RUFY4: variants seen among roughly 807,000 people sequenced by gnomAD.
The protein encoded by RUFY4 is RUN and FYVE domain-containing protein 4.
In RUFY4, 73 loss-of-function variants were observed where a neutral mutation model predicts 69.0. The observed-to-expected ratio is 1.06, with a 90% CI of 0.88 to 1.29. The LOEUF is 1.29. Ranked by LOEUF, RUFY4 falls within the 50% of genes most tolerant of loss-of-function variation. The pLI is 0.00. For synonymous variants in RUFY4, 287 were observed against 271.8 expected (o/e 1.06, Z -0.55); for missense variants, 770 against 705.6 (o/e 1.09, Z -1.03).
rs940261410 is a variant in RUFY4 at position 218,072,685 on chromosome 2, C to T, written c.280-94C>T. ...GGCCTCAGGTCCCCCTGCACCCTTC[C>T]CATTGCCAAGCACTTCCAGTCCCCT... On this transcript the variant is annotated intron_variant, in intron 3 of 10. Transcript: ENST00000344321. 3.4e-5 allele frequency: 44 copies of T among 1,300,136 alleles called. No individual in the cohort carries two copies. In the East Asian group the frequency reaches 4.3e-4, roughly 13 times the overall value. 80.5% of individuals were successfully genotyped at this position (1,300,136 alleles called of 1,614,324 possible).
chr2:218,083,239 G>A (rs1689808899), exon 9 of RUFY4: 5 of 1,610,474 alleles, frequency 3.1e-6, no homozygotes, highest in Non-Finnish European at 4.2e-6. Flanking sequence ...TGAAGAGGCG[G>A]GTGTTGGAAC....
intron 9 of RUFY4, among the ~76,000 whole-genome samples, chr2:218,086,478 A>G (rs1268584940): frequency 6.6e-6 from 1 of 152,252 alleles, no homozygotes; most frequent in East Asian, 1.9e-4. Context: ...CCTATAAAAG[A>G]AGTAGAATCC....
At chr2:218,043,642 G>A (rs992671792) in intron 2 of RUFY4, among the ~76,000 whole-genome samples, 4 of 152,182 alleles carry the variant, frequency 2.6e-5, no homozygotes, top group African/African-American at 9.7e-5. Flanking sequence ...GTCTTCAGAT[G>A]GGGGAAGTGC....
intron 8 of RUFY4, among the ~76,000 whole-genome samples, chr2:218,078,466 G>A (rs1689685947): frequency 6.6e-6 from 1 of 152,196 alleles, no homozygotes; most frequent in South Asian, 2.1e-4. Flanking sequence ...CCAGTAGAGT[G>A]AGGGAGGGAG....
chr2:218,050,100 C>T (rs918360532), intron 2 of RUFY4, among the ~76,000 whole-genome samples: 1 of 152,150 alleles, frequency 6.6e-6, no homozygotes, highest in Non-Finnish European at 1.5e-5. Context: ...TTTAACCAAT[C>T]AAAGGTGTTT....
chr2:218,083,647 C>T (rs550255845), intron 9 of RUFY4, among the ~76,000 whole-genome samples: 83 of 152,000 alleles, frequency 5.5e-4, no homozygotes, highest in Non-Finnish European at 1.1e-3. Flanking sequence ...ACTCAGGGGG[C>T]TGAGGCAACA....
In RUFY4 at chr2:218,081,816, G is replaced by A. The variant is rs76160421; in HGVS notation, c.1356-1294G>A. Among the ~76,000 whole-genome samples, 822 of 152,342 alleles carry A rather than the reference G, an allele frequency of 5.4e-3. 13 individuals are homozygous for A. The highest frequency in any genetic ancestry group is 0.019 in the African/African-American group (785 of 41,580). ...TGACTGAACTCTTTGGAATGTCAGT[G>A]GCTGAGCTGCTGACAGTTTGATGTC... On this transcript the variant is annotated intron_variant, in intron 8 of 10. Coordinates refer to ENST00000344321, the Ensembl canonical transcript of RUFY4.
exon 1 of RUFY4, chr2:218,035,067 C>G (rs2106022227): frequency 1.3e-5 from 2 of 152,514 alleles, no homozygotes; most frequent in Admixed American, 1.3e-4. Flanking sequence ...CCCCATCTCA[C>G]CATTCTGCCC....
chr2:218,047,886 T>C (rs547812544), intron 2 of RUFY4, among the ~76,000 whole-genome samples: 1 of 152,336 alleles, frequency 6.6e-6, no homozygotes, highest in Non-Finnish European at 1.5e-5. Context: ...CATATTTAAT[T>C]TTAATCTATA....
intron 9 of RUFY4, among the ~76,000 whole-genome samples, chr2:218,085,654 A>G (rs1287564645): frequency 1.3e-5 from 2 of 152,218 alleles, no homozygotes; most frequent in Non-Finnish European, 2.9e-5. Context: ...AGTCATTAGA[A>G]AGAGCAATCC....
chr2:218,072,207 C>G (rs1377969265), intron 2 of RUFY4, among the ~76,000 whole-genome samples, 167 bp from the exon 5 acceptor site: 1 of 152,196 alleles, frequency 6.6e-6, no homozygotes, highest in East Asian at 1.9e-4. Context: ...GGAGGTCAAG[C>G]CCCTTGCTCG....
chr2:218,089,338 G>A lies in RUFY4; in HGVS notation c.1589G>A (p.Arg530Gln), dbSNP rs751955461. 324 of 1,613,688 alleles carry A rather than the reference G, an allele frequency of 2.0e-4. No individual in the cohort carries two copies. The highest frequency in any genetic ancestry group is 2.6e-4 in the Non-Finnish European group (303 of 1,179,824). Residue 530 changes from arginine to glutamine, a missense_variant, in exon 10 of 11, where the codon CGA becomes CAA. Coordinates refer to ENST00000344321, the Ensembl canonical transcript of RUFY4. Reference sequence around the variant, plus strand: ...GTGGCCTGTAGCAAGATCTTTGGCCGATTTTCTCGGCGGTATCCATGCAGG... The same window carrying A: ...GTGGCCTGTAGCAAGATCTTTGGCCAATTTTCTCGGCGGTATCCATGCAGG...
At chr2:218,072,956 C>G (rs1388221311) in intron 4 of RUFY4, 71 bp downstream of exon 6, 8 of 1,237,014 alleles carry the variant, frequency 6.5e-6, no homozygotes, top group Middle Eastern at 3.9e-4. Flanking sequence ...AAGAGCCCTC[C>G]TTTAACCCCC....
rs1017686651 is a variant in RUFY4, at chr2:218,075,584, G to T, written c.1092G>T (p.Gly364=). Residue 364 remains glycine (G), a synonymous_variant, in exon 7 of 11, where the codon GGG becomes GGT. Transcript: ENST00000344321. ...GAGCAGTATCAGGGAGCAGGCAGGG[G>T]TCGGGGGGCTCTAGCATCCTGGGGG... 2.0e-6 allele frequency: 3 copies of T among 1,525,514 alleles called. No individual in the cohort carries two copies. In the African/African-American group the frequency reaches 4.2e-5, roughly 21 times the overall value. The allele number at this position is 1,525,514 out of a possible 1,614,324, so 94.5% of individuals were successfully genotyped here. A position where few individuals can be genotyped will look rare whatever the true frequency, so the allele number is the denominator to read the frequency against.
At chr2:218,073,609 G>GT (rs1363681198) in intron 5 of RUFY4, among the ~76,000 whole-genome samples, 2 of 152,220 alleles carry the variant, frequency 1.3e-5, no homozygotes, top group Non-Finnish European at 2.9e-5. Flanking sequence ...GGTGGTTGAG[G>GT]TGGAGGGCTG....
intron 2 of RUFY4, among the ~76,000 whole-genome samples, chr2:218,050,705 T>C (rs1248043806): frequency 6.6e-6 from 1 of 152,218 alleles, no homozygotes; most frequent in Non-Finnish European, 1.5e-5. Flanking sequence ...GTTATATTTG[T>C]CTCTGCTAGA....
At chr2:218,068,187 G>A (rs1450531350), upstream of RUFY4, among the ~76,000 whole-genome samples, 18 of 147,240 alleles carry the variant, frequency 1.2e-4, no homozygotes, top group African/African-American at 1.5e-4. Context: ...GAGGGCAGGG[G>A]ACTGGAGGAG....
At chr2:218,076,250 C>T (rs1449464337) in intron 7 of RUFY4, among the ~76,000 whole-genome samples, 177 bp from the exon 10 acceptor site, 1 of 152,222 alleles carries the variant, frequency 6.6e-6, no homozygotes, top group Non-Finnish European at 1.5e-5. Context: ...AACCGTGGCC[C>T]AGGCACACCC....
intron 4 of RUFY4, 38 bp from the exon 7 acceptor site, chr2:218,073,205 G>C: frequency 6.5e-7 from 1 of 1,540,624 alleles, no homozygotes; most frequent in Non-Finnish European, 8.7e-7. Flanking sequence ...AACAGCACCA[G>C]GGTCAAAGGC....
Sources: gnomAD v4.1 joint callset for allele counts (sites outside exome capture counted in the v4.1 genomes callset) on GRCh38, gnomAD v4.1.1 for gene constraint, MANE v1.5 for transcripts, NCBI Gene and HGNC (gene_info 2026-07-23, HGNC 2026-07-21) for gene names.